RNF180: variants seen among roughly 807,000 people sequenced by gnomAD.
The protein encoded by RNF180 is ring finger protein 180, also known as E3 ubiquitin-protein ligase RNF180.
A neutral mutation model predicts 59.2 loss-of-function variants in RNF180; 38 were observed. That is an observed-to-expected ratio of 0.64 (90% CI 0.50 to 0.84). The LOEUF (loss-of-function observed/expected upper bound fraction) is 0.84, where lower values mean the gene tolerates loss of function less well. Among genes scored for constraint, RNF180 ranks in the 40% least tolerant of loss-of-function variants. The pLI is 0.00. For synonymous variants in RNF180, 262 were observed against 240.3 expected (o/e 1.09, Z -0.84); for missense variants, 705 against 700.9 (o/e 1.01, Z -0.07).
At chr5:64,234,296 C>T (rs1742272692) in intron 5 of RNF180, among the ~76,000 whole-genome samples, 1 of 152,110 alleles carries the variant, frequency 6.6e-6, no homozygotes, top group East Asian at 2.0e-4. Flanking sequence ...GAAACCCCGT[C>T]TCTACTAAAA....
At chr5:64,287,230 G>C (rs1247592759) in intron 5 of RNF180, among the ~76,000 whole-genome samples, 1 of 152,120 alleles carries the variant, frequency 6.6e-6, no homozygotes. Flanking sequence ...CTCCCAAAGT[G>C]CTGGGATTAC....
At position 64,218,044 on chromosome 5, in the gene RNF180, T is replaced by C. The variant is rs150987309; in HGVS notation, c.1227+648T>C. 3.9e-3 allele frequency among the ~76,000 whole-genome samples: 594 copies of C among 152,308 alleles called. 3 individuals are homozygous for C. Among genetic ancestry groups the C allele is most frequent in the African/African-American group, 0.014 (575 of 41,580 alleles). On this transcript the variant is annotated intron_variant, in intron 5 of 7. Transcript: ENST00000389100. ...CAAGTGTTTCATTTGATATGTGATT[T>C]GTAAATATTTTCTCTCAGTCTATAG...
chr5:64,207,238 A>G (rs982966304), intron 2 of RNF180, among the ~76,000 whole-genome samples: 2 of 152,138 alleles, frequency 1.3e-5, no homozygotes, highest in Admixed American at 1.3e-4. Context: ...TAGCTGTTTA[A>G]GTGGCAAAAA....
intron 1 of RNF180, among the ~76,000 whole-genome samples, chr5:64,193,698 G>T (rs1388732959): frequency 6.6e-6 from 1 of 152,168 alleles, no homozygotes; most frequent in African/African-American, 2.4e-5. Context: ...TATAATGAAA[G>T]ATCAGCCTGG....
At chr5:64,332,852 A>G (rs1011495409) in intron 7 of RNF180, among the ~76,000 whole-genome samples, 3 of 152,176 alleles carry the variant, frequency 2.0e-5, no homozygotes, top group African/African-American at 4.8e-5. Flanking sequence ...ACTTCTGCAT[A>G]AGACCAACAA....
At chr5:64,356,995 A>T (rs1746054440) in intron 7 of RNF180, among the ~76,000 whole-genome samples, 1 of 151,876 alleles carries the variant, frequency 6.6e-6, no homozygotes, top group African/African-American at 2.4e-5. Context: ...TATATATCTT[A>T]CCCAATAAAA....
chr5:64,179,325 G>C (rs951879511), intron 1 of RNF180, among the ~76,000 whole-genome samples: 5 of 151,356 alleles, frequency 3.3e-5, no homozygotes, highest in African/African-American at 1.2e-4. Flanking sequence ...TTCCTTTTTT[G>C]TTTTAAAAAT....
intron 5 of RNF180, among the ~76,000 whole-genome samples, chr5:64,219,201 G>A (rs7737924): frequency 0.048 from 6,876 of 143,586 alleles, 506 homozygotes; most frequent in African/African-American, 0.17. Context: ...GTTGAATTCT[G>A]TAGAATGCTT....
intron 5 of RNF180, among the ~76,000 whole-genome samples, chr5:64,318,873 G>A (rs908099156): frequency 1.3e-5 from 2 of 152,190 alleles, no homozygotes; most frequent in South Asian, 4.1e-4. Flanking sequence ...GGAATTGAGA[G>A]TTCTCATCAG....
rs188613224 is a variant in RNF180 at position 64,288,774 on chromosome 5, C to T, written c.1228-36412C>T. On this transcript the variant is annotated intron_variant, in intron 5 of 7. Coordinates refer to ENST00000389100, the MANE Select transcript of RNF180 (RefSeq NM_001113561.2). ...CTGAGACTTAGCTGAAGTTGTTTAT[C>T]AGCTTAAGATTTTGGCCTGAGATGA... 3.9e-5 allele frequency among the ~76,000 whole-genome samples: 6 copies of T among 152,274 alleles called. No individual in the cohort carries two copies. The East Asian group carries it at 9.6e-4, about 24-fold the overall frequency.
chr5:64,180,705 A>G (rs1190013645), intron 1 of RNF180, among the ~76,000 whole-genome samples: 2 of 152,212 alleles, frequency 1.3e-5, no homozygotes, highest in African/African-American at 4.8e-5. Flanking sequence ...GCTAAGAGGC[A>G]TTATTCTTCC....
At chr5:64,336,880 T>C (rs1036987108) in intron 7 of RNF180, among the ~76,000 whole-genome samples, 16 of 152,252 alleles carry the variant, frequency 1.1e-4, no homozygotes, top group African/African-American at 3.4e-4. Flanking sequence ...TATCTTTCAT[T>C]GTAAGGAATT....
intron 5 of RNF180, among the ~76,000 whole-genome samples, chr5:64,261,636 G>A (rs542202981): frequency 4.6e-5 from 7 of 152,034 alleles, no homozygotes; most frequent in Admixed American, 1.3e-4. Flanking sequence ...CCCTACCTTC[G>A]TTGTGTTTCT....
chr5:64,235,741 C>T (rs1258202485), intron 5 of RNF180, among the ~76,000 whole-genome samples: 1 of 151,900 alleles, frequency 6.6e-6, no homozygotes, highest in Non-Finnish European at 1.5e-5. Context: ...GTGGATTTCC[C>T]CCTTGCTGTT....
At chr5:64,281,729 C>A (rs556421830) in intron 5 of RNF180, among the ~76,000 whole-genome samples, 12 of 152,278 alleles carry the variant, frequency 7.9e-5, no homozygotes, top group African/African-American at 2.6e-4. Context: ...AACTCCTGAC[C>A]TTGTGATCCA....
intron 7 of RNF180, among the ~76,000 whole-genome samples, chr5:64,332,072 C>T (rs953408885): frequency 1.3e-4 from 20 of 152,186 alleles, no homozygotes; most frequent in Non-Finnish European, 2.1e-4. Context: ...CCACACACCC[C>T]TTGCCATTCT....
intron 1 of RNF180, among the ~76,000 whole-genome samples, chr5:64,200,171 C>G (rs1751667838): frequency 6.6e-6 from 1 of 152,138 alleles, no homozygotes; most frequent in East Asian, 1.9e-4. Flanking sequence ...TGGTTCACGC[C>G]TGTAATCTCA....
chr5:64,302,889 A>G (rs981797544), intron 5 of RNF180, among the ~76,000 whole-genome samples: 1 of 151,632 alleles, frequency 6.6e-6, no homozygotes, highest in African/African-American at 2.4e-5. Context: ...ATGCAGTCAA[A>G]CCTTGTATTT....
intron 7 of RNF180, among the ~76,000 whole-genome samples, chr5:64,361,081 G>A (rs1278692822): frequency 6.6e-6 from 1 of 151,344 alleles, no homozygotes; most frequent in Admixed American, 6.6e-5. Flanking sequence ...TGCAAGATGT[G>A]CAGGCACACA....
Sources: allele counts gnomAD v4.1 joint callset (sites outside exome capture counted in the v4.1 genomes callset), GRCh38; gene constraint gnomAD v4.1.1; transcripts MANE v1.5; gene names NCBI Gene and HGNC (gene_info 2026-07-23, HGNC 2026-07-21).